Variants in MTMR3 observed in about 807,000 individuals in gnomAD.
MTMR3 encodes myotubularin related protein 3.
Under a neutral mutation model 132.4 loss-of-function variants are expected in MTMR3, and 32 were observed. That is an observed-to-expected ratio of 0.24 (90% confidence interval 0.18 to 0.32). The LOEUF is 0.32. MTMR3 is among the 10% of genes least tolerant of loss of function. The pLI is 1.00. For synonymous variants in MTMR3, 556 were observed against 550.3 expected (o/e 1.01, Z -0.14); for missense variants, 1,216 against 1,489.6 (o/e 0.82, Z 3.02).
rs560336025 is a variant in MTMR3 at position 30,021,035 on chromosome 22, G to A, written c.3225+151G>A. On this transcript the variant is annotated intron_variant, in intron 17 of 19. Coordinates refer to ENST00000401950, the MANE Select transcript of MTMR3 (RefSeq NM_021090.4). ...CCCTGTTAAGAGAGGCTGGAGATGA[G>A]CCTCCACGACAGCGATGGCAGCCTG... is the stretch of plus-strand genomic sequence containing the variant. The A allele has an allele frequency of 2.1e-4, 167 of 778,992 alleles. 1 individual carries two copies. In the South Asian group the frequency reaches 2.8e-3, roughly 13 times the overall value. The allele number at this position is 778,992 out of a possible 1,614,324, so 48.3% of individuals were successfully genotyped here. A position where few individuals can be genotyped will look rare whatever the true frequency, so the allele number is the denominator to read the frequency against.
At chr22:29,962,258 A>G (rs2066326907) in intron 2 of MTMR3, among the ~76,000 whole-genome samples, 1 of 152,248 alleles carries the variant, frequency 6.6e-6, no homozygotes, top group Non-Finnish European at 1.5e-5. Flanking sequence ...TATTAATAAC[A>G]TAAAATTCAC....
chr22:29,990,678 T>G (rs2066944502), intron 6 of MTMR3: 1 of 152,214 alleles, frequency 6.6e-6, no homozygotes, highest in South Asian at 2.1e-4. Flanking sequence ...CCTCCCTGTT[T>G]CAAGTGATTC....
rs117478802 is a variant in MTMR3 at position 30,022,015 on chromosome 22, T to G, written c.3226-14T>G. 366 of 1,599,470 alleles carry G rather than the reference T, an allele frequency of 2.3e-4. 2 individuals carry two copies. In the East Asian group the frequency reaches 6.5e-3, roughly 28 times the overall value. On this transcript the variant is annotated splice_polypyrimidine_tract_variant and intron_variant, in intron 17 of 19. Coordinates refer to ENST00000401950, the MANE Select transcript of MTMR3 (RefSeq NM_021090.4). The stretch of plus-strand genomic sequence containing the variant: ...CCAGGTTCATTCTGTTCAGCTGTGT[T>G]TGTTTGCCAACAGACTTCAATCCCC...
At chr22:29,973,310 A>G (rs902120017) in intron 3 of MTMR3, among the ~76,000 whole-genome samples, 3 of 152,258 alleles carry the variant, frequency 2.0e-5, no homozygotes, top group African/African-American at 7.2e-5. Flanking sequence ...AAGCCTATGC[A>G]GAGAGAAAAG....
chr22:29,912,946 G>A (rs781056563), intron 1 of MTMR3, among the ~76,000 whole-genome samples: 4 of 152,040 alleles, frequency 2.6e-5, no homozygotes, highest in Admixed American at 2.0e-4. Flanking sequence ...GAGCTCCATC[G>A]AAAGGGTCTT....
At position 30,019,498 on chromosome 22, in the gene MTMR3, A is replaced by T; in HGVS notation, c.1839A>T (p.Ser613=). 1 of 1,606,454 alleles carries T rather than the reference A, an allele frequency of 6.2e-7. No homozygotes were observed. The highest frequency in any genetic ancestry group is 1.3e-5 in the African/African-American group (1 of 75,028). Residue 613 remains serine (S), a synonymous_variant, in exon 17 of 20, where the codon TCA becomes TCT. Coordinates refer to ENST00000401950, the MANE Select transcript of MTMR3 (RefSeq NM_021090.4). Reference sequence around the variant, plus strand: ...CCTTTAGGCTACCAAAGACTAGATCATACGACAATCTGACCACAGCCTGTG... The same window carrying T: ...CCTTTAGGCTACCAAAGACTAGATCTTACGACAATCTGACCACAGCCTGTG... ...PPLSRLPKTR[S]YDNLTTACDN...
At chr22:29,993,618 A>G (rs2067006151) in intron 7 of MTMR3, 1 of 152,218 alleles carries the variant, frequency 6.6e-6, no homozygotes, top group Non-Finnish European at 1.5e-5. Flanking sequence ...TTCTCTCACA[A>G]CCACAGACTG....
chr22:29,885,094 C>G (rs1322996509), intron 1 of MTMR3, among the ~76,000 whole-genome samples: 1 of 152,150 alleles, frequency 6.6e-6, no homozygotes, highest in Admixed American at 6.5e-5. Flanking sequence ...AGGCCAGGTT[C>G]TTCAGTGGTT....
At chr22:29,883,812 C>A (rs1384385615) in intron 1 of MTMR3, among the ~76,000 whole-genome samples, 2 of 152,172 alleles carry the variant, frequency 1.3e-5, no homozygotes, top group Non-Finnish European at 2.9e-5. Context: ...CCATGGGAGC[C>A]CCGGGGCGAA....
At chr22:29,930,846 A>C (rs1245004825) in intron 1 of MTMR3, among the ~76,000 whole-genome samples, 1 of 152,064 alleles carries the variant, frequency 6.6e-6, no homozygotes, top group East Asian at 1.9e-4. Context: ...CAAAAATATA[A>C]AAATAAAAAA....
At chr22:29,887,088 T>G (rs2064692862) in intron 1 of MTMR3, among the ~76,000 whole-genome samples, 1 of 152,226 alleles carries the variant, frequency 6.6e-6, no homozygotes, top group African/African-American at 2.4e-5. Context: ...AATCTTAATT[T>G]TGTGATATCA....
At chr22:29,946,435 C>G (rs963242427) in intron 1 of MTMR3, among the ~76,000 whole-genome samples, 3 of 152,110 alleles carry the variant, frequency 2.0e-5, no homozygotes, top group Admixed American at 1.3e-4. Flanking sequence ...GCTGAGGGCT[C>G]GAGAGAAAGG....
chr22:30,020,825 C>T lies in MTMR3; in HGVS notation c.3166C>T (p.Leu1056=), dbSNP rs758072439. 2.5e-6 allele frequency: 4 copies of T among 1,610,802 alleles called. No homozygotes were observed. The South Asian group carries it at 4.4e-5, about 18-fold the overall frequency. The change falls in exon 17 of 20, where the codon CTG becomes TTG. Residue 1056 remains leucine, a synonymous_variant. Transcript: ENST00000401950. ...ACAAGTCCAGGAGCTGAAGAGTCGCCTGGAGAGCCAGTACCTGACCAGCTC... is the reference window on the plus strand; with the variant it reads ...ACAAGTCCAGGAGCTGAAGAGTCGCTTGGAGAGCCAGTACCTGACCAGCTC... ...KKQVQELKSR[L]ESQYLTSSLH... is the part of the protein sequence containing the mutation.
chr22:29,901,357 G>C (rs2145726374), intron 1 of MTMR3, among the ~76,000 whole-genome samples: 1 of 151,628 alleles, frequency 6.6e-6, no homozygotes, highest in East Asian at 1.9e-4. Flanking sequence ...TTTCAAACTT[G>C]GAGGCAGATG....
chr22:30,004,572 A>G (rs529191487), intron 9 of MTMR3: 3 of 152,294 alleles, frequency 2.0e-5, no homozygotes, highest in African/African-American at 7.2e-5. Context: ...ATACAAGAGG[A>G]TATATAAATG....
At chr22:29,982,724 A>G (rs546743130) in intron 5 of MTMR3, 2 of 152,334 alleles carry the variant, frequency 1.3e-5, no homozygotes, top group African/African-American at 4.8e-5. Context: ...CGTAAACATC[A>G]TTACTTTAAT....
intron 2 of MTMR3, among the ~76,000 whole-genome samples, chr22:29,962,910 C>CTTTTTTTT (rs892383539): frequency 3.7e-5 from 5 of 133,622 alleles, no homozygotes; most frequent in Non-Finnish European, 3.2e-5. Flanking sequence ...TCTCTTTTTT[C>CTTTTTTTT]TTTTTTTTTT....
chr22:30,016,598 G>T lies in MTMR3; in HGVS notation c.1574G>T (p.Gly525Val), dbSNP rs1569051633. The T allele has an allele frequency of 3.7e-6, 6 of 1,614,166 alleles. No individual in the cohort carries two copies. Among genetic ancestry groups the T allele is most frequent in the Non-Finnish European group, 4.2e-6 (5 of 1,180,026 alleles). The change falls in exon 15 of 20, where the codon GGG (glycine) becomes GTG (valine). Residue 525 changes from glycine (G) to valine (V), a missense_variant. Gly to Val is a moderately radical substitution (Grantham distance 109). Transcript: ENST00000401950. ...TFLCNNAKERGEKHTQERTCS... is the reference protein window; with the variant it reads ...TFLCNNAKERVEKHTQERTCS... ...CTGTGCAACAACGCCAAGGAGAGAG[G>T]GGAAAAGCATACTCAGGAACGGACA...
chr22:29,893,361 G>A (rs1406369974), intron 1 of MTMR3, among the ~76,000 whole-genome samples: 1 of 152,158 alleles, frequency 6.6e-6, no homozygotes, highest in Non-Finnish European at 1.5e-5. Flanking sequence ...CCTGTGGCAA[G>A]ACTGTATATT....
Sources: allele counts gnomAD v4.1 joint callset (sites outside exome capture counted in the v4.1 genomes callset), GRCh38; gene constraint gnomAD v4.1.1; transcripts MANE v1.5; gene names NCBI Gene and HGNC (gene_info 2026-07-23, HGNC 2026-07-21).